Variants in ZNF587B observed in about 807,000 individuals in gnomAD.
ZNF587B encodes the protein zinc finger protein 587B.
ZNF587B carries 6 observed loss-of-function variants against 7.2 expected under a neutral mutation model. The observed-to-expected ratio is 0.83, with a 90% CI of 0.46 to 1.65. The LOEUF is 1.65. Among genes scored for constraint, ZNF587B ranks in the 40% most tolerant of loss-of-function variants. The pLI is 0.01. For missense variants in ZNF587B, 749 were observed against 761.0 expected, an observed-to-expected ratio of 0.98 and a Z score of 0.19; for synonymous variants, 274 against 254.3, an observed-to-expected ratio of 1.08 and a Z score of -0.74.
rs1989028633 is a variant in ZNF587B, at chr19:57,845,492, A to T, written c.*2916A>T. On this transcript the variant is annotated 3_prime_UTR_variant, in exon 3 of 3. Coordinates refer to ENST00000594901, the MANE Select transcript of ZNF587B (RefSeq NM_001376223.1). ...CTCCTGTATTAACAGGAGGAACAGA[A>T]TAGGGAAAAAGATCTCAGTTCAGTG... 2 of 152,188 alleles carry T rather than the reference A, an allele frequency of 1.3e-5. 1 individual carries two copies. Among genetic ancestry groups the T allele is most frequent in the South Asian group, 4.1e-4 (2 of 4,834 alleles). 9.4% of individuals were successfully genotyped at this position (152,188 alleles called of 1,614,324 possible).
chr19:57,831,559 A>AT (rs1357306021), intron 1 of ZNF587B, among the ~76,000 whole-genome samples: 1 of 151,222 alleles, frequency 6.6e-6, no homozygotes. Context: ...CACCTGGCTA[A>AT]TTTTTTGTAT....
rs928467440 is a variant in ZNF587B at position 57,843,190 on chromosome 19, A to G, written c.*614A>G. ...CTCATATTAGTAGATATAGGGTTTT[A>G]CCATGTTTCCAGGCTGGTATCGAAC... On this transcript the variant is annotated 3_prime_UTR_variant, in exon 3 of 3. Coordinates refer to ENST00000594901, the MANE Select transcript of ZNF587B (RefSeq NM_001376223.1). 1 of 685,798 alleles carries G rather than the reference A, an allele frequency of 1.5e-6. No individual in the cohort carries two copies. Among genetic ancestry groups the G allele is most frequent in the Non-Finnish European group, 1.8e-6 (1 of 556,956 alleles). 42.5% of individuals were successfully genotyped at this position (685,798 alleles called of 1,614,324 possible). A position where few individuals can be genotyped will look rare whatever the true frequency, so the allele number is the denominator to read the frequency against.
chr19:57,842,638 T>G lies in ZNF587B; in HGVS notation c.*62T>G, dbSNP rs547044026. The stretch of plus-strand genomic sequence containing the variant: ...GAGCACACACCTGAGTAAGATCTTG[T>G]GATTGCAGCAAATGTGGAAAATGTT... On this transcript the variant is annotated 3_prime_UTR_variant, in exon 3 of 3. Transcript: ENST00000594901. 1 of 1,352,800 alleles carries G rather than the reference T, an allele frequency of 7.4e-7. No homozygotes were observed. Among genetic ancestry groups the G allele is most frequent in the Admixed American group, 3.3e-5 (1 of 30,344 alleles). The allele number at this position is 1,352,800 out of a possible 1,614,324, so 83.8% of individuals were successfully genotyped here.
Position 57,841,637 on chromosome 19 carries a change from T to A in ZNF587B, c.963T>A (p.Ala321=). The change falls in exon 3 of 3, where the codon GCT becomes GCA. Residue 321 remains alanine (A), a synonymous_variant. Coordinates refer to ENST00000594901, the MANE Select transcript of ZNF587B (RefSeq NM_001376223.1). The part of the protein sequence containing the change: ...GYLRRHQKVH[A]GKGPYECGEC... Reference sequence around the variant, plus strand: ...TTAGGCGCCATCAAAAAGTTCACGCTGGAAAAGGGCCTTATGAGTGTGGAG... The same window carrying A: ...TTAGGCGCCATCAAAAAGTTCACGCAGGAAAAGGGCCTTATGAGTGTGGAG... 6.3e-7 allele frequency: 1 copy of A among 1,598,844 alleles called. No individual in the cohort carries two copies.
chr19:57,839,592 T>G (rs2122234195), intron 2 of ZNF587B, among the ~76,000 whole-genome samples: 1 of 152,348 alleles, frequency 6.6e-6, no homozygotes, highest in Admixed American at 6.5e-5. Context: ...CTCAGTTTTT[T>G]TCTCTCATGG....
chr19:57,838,972 A>T, intron 1 of ZNF587B, 51 bp from the exon 2 acceptor site: 1 of 1,587,504 alleles, frequency 6.3e-7, no homozygotes, highest in Admixed American at 1.7e-5. Flanking sequence ...ATGGATTGTG[A>T]TACCTCAGCA....
intron 1 of ZNF587B, among the ~76,000 whole-genome samples, chr19:57,832,239 A>G (rs1243062733): frequency 1.3e-5 from 2 of 151,630 alleles, no homozygotes; most frequent in African/African-American, 4.8e-5. Context: ...GGCATGCACT[A>G]CTATGCCCGG....
At position 57,842,892 on chromosome 19, in the gene ZNF587B, G is replaced by A. The variant is rs978785284; in HGVS notation, c.*316G>A. 4.1e-6 allele frequency: 4 copies of A among 985,270 alleles called. No homozygotes were observed. In the African/African-American group the frequency reaches 7.0e-5, roughly 17 times the overall value. The allele number at this position is 985,270 out of a possible 1,614,324, so 61.0% of individuals were successfully genotyped here. ...GTCACTACGGAAATGCCTTTTGAAT[G>A]TAATGTTTGCAAAAAAGCACTGTGC... is the stretch of plus-strand genomic sequence containing the variant. On this transcript the variant is annotated 3_prime_UTR_variant, in exon 3 of 3. Coordinates refer to ENST00000594901, the MANE Select transcript of ZNF587B (RefSeq NM_001376223.1).
At chr19:57,834,835 ACT>A (rs887330220) in intron 1 of ZNF587B, among the ~76,000 whole-genome samples, 13 of 125,810 alleles carry the variant, frequency 1.0e-4, no homozygotes, top group African/African-American at 3.8e-4. Flanking sequence ...ACAGAGCGAG[ACT>A]CTCTCTTAAA....
chr19:57,831,156 A>G (rs2122197903), intron 1 of ZNF587B, among the ~76,000 whole-genome samples: 1 of 152,274 alleles, frequency 6.6e-6, no homozygotes, highest in South Asian at 2.1e-4. Context: ...AGCTTGCACA[A>G]GTTAAGTCCT....
At chr19:57,833,124 CCTT>C (rs1269271253) in intron 1 of ZNF587B, among the ~76,000 whole-genome samples, 1 of 152,276 alleles carries the variant, frequency 6.6e-6, no homozygotes, top group Non-Finnish European at 1.5e-5. Flanking sequence ...ATGTCCTTCT[CCTT>C]AGGACGGTGA....
Position 57,843,526 on chromosome 19 carries a change from C to T in ZNF587B, c.*950C>T. The T allele has an allele frequency of 1.0e-6, 1 of 981,776 alleles. No homozygotes were observed. Among genetic ancestry groups the T allele is most frequent in the South Asian group, 4.7e-5 (1 of 21,180 alleles). The allele number at this position is 981,776 out of a possible 1,614,324, so 60.8% of individuals were successfully genotyped here. On this transcript the variant is annotated 3_prime_UTR_variant, in exon 3 of 3. Coordinates refer to ENST00000594901, the MANE Select transcript of ZNF587B (RefSeq NM_001376223.1). ...TATTCTAGAAGTATATTTTGGTTGT[C>T]TCCCATTCACGAGAGATTTTTTTTT...
intron 1 of ZNF587B, among the ~76,000 whole-genome samples, chr19:57,832,951 C>G (rs1184904409): frequency 1.3e-5 from 2 of 152,200 alleles, no homozygotes; most frequent in East Asian, 3.9e-4. Context: ...GGGACAGAAG[C>G]ACCCCTTTAG....
rs746763423 is a variant in ZNF587B at position 57,842,015 on chromosome 19, T to C, written c.1341T>C (p.Phe447=). The change falls in exon 3 of 3, where the codon TTT becomes TTC. Residue 447 remains phenylalanine (F), a synonymous_variant. Transcript: ENST00000594901. ...AGTGTGGGGAATGTGGGAAATGTTT[T>C]AGTCACAAGGGTAACCTCATTCTAC... is the stretch of plus-strand genomic sequence containing the variant. ...PYKCGECGKC[F]SHKGNLILHQ... is the part of the protein sequence containing the mutation. 6 of 1,598,926 alleles carry C rather than the reference T, an allele frequency of 3.8e-6. No homozygotes were observed. The highest frequency in any genetic ancestry group is 5.1e-6 in the Non-Finnish European group (6 of 1,172,634).
chr19:57,832,096 T>G (rs1419007211), intron 1 of ZNF587B, among the ~76,000 whole-genome samples: 1 of 141,492 alleles, frequency 7.1e-6, no homozygotes, highest in Non-Finnish European at 1.5e-5. Flanking sequence ...TTTCTTTTTG[T>G]TTTTTTTTGA....
Position 57,841,459 on chromosome 19 carries a change from G to A in ZNF587B, c.785G>A (p.Arg262Lys), listed in dbSNP as rs1283624651. 3 of 1,585,224 alleles carry A rather than the reference G, an allele frequency of 1.9e-6. No individual in the cohort carries two copies. The highest frequency in any genetic ancestry group is 2.6e-6 in the Non-Finnish European group (3 of 1,164,818). The change falls in exon 3 of 3, where the codon AGA becomes AAA. Residue 262 changes from arginine to lysine, a missense_variant. Physicochemically the swap from Arg to Lys is conservative, Grantham distance 26. Coordinates refer to ENST00000594901, the MANE Select transcript of ZNF587B (RefSeq NM_001376223.1). Reference sequence around the variant, plus strand: ...TATGTTAGCTTCAGTAATCATCAGAGAGTTCACAGTGGAAAAAGACCTTAT... The same window carrying A: ...TATGTTAGCTTCAGTAATCATCAGAAAGTTCACAGTGGAAAAAGACCTTAT... ...SKYVSFSNHQ[R>K]VHSGKRPYEC...
chr19:57,840,114 C>CAAAA (rs1988783402), intron 2 of ZNF587B, among the ~76,000 whole-genome samples: 1 of 111,292 alleles, frequency 9.0e-6, no homozygotes, highest in Non-Finnish European at 2.0e-5. Flanking sequence ...AAAAAAAAAG[C>CAAAA]AGCACCCTGG....
At chr19:57,835,451 G>C (rs2122216495) in intron 1 of ZNF587B, among the ~76,000 whole-genome samples, 1 of 125,734 alleles carries the variant, frequency 8.0e-6, no homozygotes, top group South Asian at 2.8e-4. Context: ...CTGCCTCCCA[G>C]GTTCAAGCAA....
At position 57,841,241 on chromosome 19, in the gene ZNF587B, G is replaced by A; in HGVS notation, c.567G>A (p.Glu189=). 6.2e-7 allele frequency: 1 copy of A among 1,614,154 alleles called. No individual in the cohort carries two copies. The highest frequency in any genetic ancestry group is 2.2e-5 in the East Asian group (1 of 44,884). The change falls in exon 3 of 3, where the codon GAG becomes GAA. Residue 189 remains glutamate (E), a synonymous_variant. Transcript: ENST00000594901. ...CCAGGTCAGGATTACTCCAGCAGGA[G>A]GCCAGTCACACTGGGGAGAAGTCAA... is the stretch of plus-strand genomic sequence containing the variant. ...FLPRSGLLQQ[E]ASHTGEKSNS... is the part of the protein sequence containing the mutation.
Sources: allele counts gnomAD v4.1 joint callset (sites outside exome capture counted in the v4.1 genomes callset), GRCh38; gene constraint gnomAD v4.1.1; transcripts MANE v1.5; gene names NCBI Gene and HGNC (gene_info 2026-07-23, HGNC 2026-07-21).